Variants in TXNDC16 observed in about 807,000 individuals in gnomAD.
TXNDC16 encodes the protein thioredoxin domain containing 16.
In TXNDC16, 74 loss-of-function variants were observed where a neutral mutation model predicts 85.6. The observed-to-expected ratio is 0.86, with a 90% CI of 0.72 to 1.05. The LOEUF (loss-of-function observed/expected upper bound fraction) is 1.05, where lower values mean the gene tolerates loss of function less well. TXNDC16 is among the 50% of genes least tolerant of loss of function. The pLI, the probability that TXNDC16 is intolerant of heterozygous loss-of-function variation, is 0.00. For missense variants in TXNDC16, 959 were observed against 947.0 expected, an observed-to-expected ratio of 1.01 and a Z score of -0.17; for synonymous variants, 335 against 326.5, an observed-to-expected ratio of 1.03 and a Z score of -0.28.
intron 16 of TXNDC16, among the ~76,000 whole-genome samples, chr14:52,461,033 A>G (rs1267036215): frequency 6.6e-6 from 1 of 151,488 alleles, no homozygotes; most frequent in East Asian, 2.0e-4. Context: ...ACTTTCTACA[A>G]TTTATTTAGT....
At chr14:52,548,411 G>A (rs1162380340) in intron 1 of TXNDC16, among the ~76,000 whole-genome samples, 2 of 152,124 alleles carry the variant, frequency 1.3e-5, no homozygotes, top group Middle Eastern at 3.2e-3. Flanking sequence ...AGATGTTCCT[G>A]TAGATAATCA....
intron 18 of TXNDC16, among the ~76,000 whole-genome samples, chr14:52,453,643 T>C (rs2035462615): frequency 6.6e-6 from 1 of 152,030 alleles, no homozygotes; most frequent in African/African-American, 2.4e-5. Context: ...ATTGAACTCA[T>C]GGAGATAGAG....
intron 17 of TXNDC16, 22 bp downstream of exon 17, chr14:52,457,068 A>C (rs2035551749): frequency 6.7e-7 from 1 of 1,492,138 alleles, no homozygotes; most frequent in Non-Finnish European, 9.1e-7. Flanking sequence ...CCTCCCTAAA[A>C]TTAAAAGAGC....
At chr14:52,497,658 T>C (rs377302260) in intron 9 of TXNDC16, among the ~76,000 whole-genome samples, 1 of 152,068 alleles carries the variant, frequency 6.6e-6, no homozygotes, top group Non-Finnish European at 1.5e-5. Context: ...GGCGGGCGGA[T>C]TGCCTGAGCT....
chr14:52,511,478 A>T, intron 8 of TXNDC16, 88 bp from the exon 9 acceptor site: 1 of 818,614 alleles, frequency 1.2e-6, no homozygotes, highest in Non-Finnish European at 1.8e-6. Context: ...TTTTGTCTTA[A>T]GTCTCATGCT....
intron 9 of TXNDC16, among the ~76,000 whole-genome samples, chr14:52,498,432 C>CAT (rs1241836660): frequency 0.013 from 1,972 of 151,572 alleles, 150 homozygotes; most frequent in African/African-American, 0.043. Context: ...CACACACACA[C>CAT]ACACACTCAC....
At chr14:52,525,470 T>C (rs1280441057) in intron 6 of TXNDC16, among the ~76,000 whole-genome samples, 1 of 149,108 alleles carries the variant, frequency 6.7e-6, no homozygotes, top group African/African-American at 2.5e-5. Flanking sequence ...GGTGGGCGGA[T>C]CACAAGGTCA....
chr14:52,486,331 A>T (rs2036270954), intron 12 of TXNDC16, among the ~76,000 whole-genome samples: 1 of 132,292 alleles, frequency 7.6e-6, no homozygotes, highest in Admixed American at 8.7e-5. Context: ...TTGCCCAGGT[A>T]GGAGTGCACT....
At chr14:52,466,602 C>T (rs1478004125) in intron 16 of TXNDC16, among the ~76,000 whole-genome samples, 2 of 151,982 alleles carry the variant, frequency 1.3e-5, no homozygotes, top group African/African-American at 4.8e-5. Flanking sequence ...CGCGGTGGCT[C>T]ATGCCTGTAA....
At chr14:52,433,215 T>C (rs532458064) in intron 20 of TXNDC16, among the ~76,000 whole-genome samples, 1 of 152,298 alleles carries the variant, frequency 6.6e-6, no homozygotes, top group Non-Finnish European at 1.5e-5. Context: ...CTATACATAG[T>C]GATTAAATAA....
At chr14:52,547,893 C>T (rs2037972402) in intron 1 of TXNDC16, among the ~76,000 whole-genome samples, 1 of 152,262 alleles carries the variant, frequency 6.6e-6, no homozygotes, top group African/African-American at 2.4e-5. Flanking sequence ...TGACGAGAGA[C>T]TGTTCAAATG....
intron 6 of TXNDC16, among the ~76,000 whole-genome samples, chr14:52,530,938 G>A (rs1566583714): frequency 6.6e-6 from 1 of 151,694 alleles, no homozygotes; most frequent in African/African-American, 2.4e-5. Flanking sequence ...AAATACTTGT[G>A]AAAAATATAT....
intron 18 of TXNDC16, among the ~76,000 whole-genome samples, chr14:52,448,839 T>C (rs2140109004): frequency 6.6e-6 from 1 of 151,996 alleles, no homozygotes; most frequent in East Asian, 1.9e-4. Context: ...TTTTTATTAG[T>C]TTTCCTTTGC....
At chr14:52,521,251 T>C (rs915831199) in intron 6 of TXNDC16, among the ~76,000 whole-genome samples, 15 of 150,690 alleles carry the variant, frequency 1.0e-4, no homozygotes, top group African/African-American at 3.7e-4. Flanking sequence ...TGGCTGGGAC[T>C]ACAGGCGTGC....
Position 52,542,438 on chromosome 14 carries a change from G to A in TXNDC16, c.176C>T (p.Ser59Phe). ...YFCQADSPRT[S>F]VFLEELNEAV... Reference sequence around the variant, plus strand: ...CTCATTCAGTTCTTCAAGAAATACAGATGTTCTTGGGGAATCTAAAACAAC... The same window carrying A: ...CTCATTCAGTTCTTCAAGAAATACAAATGTTCTTGGGGAATCTAAAACAAC... The change falls in exon 4 of 21, where the codon TCT becomes TTT. Residue 59 changes from serine to phenylalanine, a missense_variant. Transcript: ENST00000281741. 1.2e-6 allele frequency: 2 copies of A among 1,612,170 alleles called. No individual in the cohort carries two copies. The highest frequency in any genetic ancestry group is 1.7e-6 in the Non-Finnish European group (2 of 1,178,948).
chr14:52,457,136 CT>C lies in TXNDC16; in HGVS notation c.1656del (p.Gly553AspfsTer37). 6.3e-7 allele frequency: 1 copy of C among 1,592,342 alleles called. No individual in the cohort carries two copies. The highest frequency in any genetic ancestry group is 1.2e-5 in the South Asian group (1 of 86,252). On this transcript the variant is annotated frameshift_variant, in exon 17 of 21. Transcript: ENST00000281741. LOFTEE classifies it high-confidence loss of function. ...GAATAAATTCCAGTGATAACATATC[CT>C]TTTAGGTAGTTTCCTGCTTCACTAA... is the stretch of plus-strand genomic sequence containing the variant. ...EDFSEAGNYL[K>X]GYVITGIYSE...
intron 6 of TXNDC16, among the ~76,000 whole-genome samples, chr14:52,522,886 A>G (rs957007493): frequency 6.6e-6 from 1 of 152,206 alleles, no homozygotes; most frequent in African/African-American, 2.4e-5. Context: ...AAGCAGAACT[A>G]TCATTAACCC....
chr14:52,456,712 T>C (rs577544657), intron 17 of TXNDC16, among the ~76,000 whole-genome samples: 2 of 152,262 alleles, frequency 1.3e-5, no homozygotes, highest in South Asian at 4.1e-4. Flanking sequence ...CACTGATTTT[T>C]ATACACACAC....
intron 1 of TXNDC16, among the ~76,000 whole-genome samples, chr14:52,547,526 T>C (rs978402954): frequency 6.6e-6 from 1 of 152,120 alleles, no homozygotes; most frequent in Non-Finnish European, 1.5e-5. Flanking sequence ...GTGTTAGGAG[T>C]GTTGTTGTTG....
Sources: gnomAD v4.1 joint callset for allele counts (sites outside exome capture counted in the v4.1 genomes callset) on GRCh38, gnomAD v4.1.1 for gene constraint, MANE v1.5 for transcripts, NCBI Gene and HGNC (gene_info 2026-07-23, HGNC 2026-07-21) for gene names.